STIM2: variants seen among roughly 807,000 people sequenced by gnomAD.
The protein encoded by STIM2 is stromal interaction molecule 2.
A neutral mutation model predicts 85.8 loss-of-function variants in STIM2; 31 were observed. The ratio of observed to expected loss-of-function variants is 0.36; its 90% CI spans 0.27 to 0.49. The LOEUF (loss-of-function observed/expected upper bound fraction) is 0.49, where lower values mean the gene tolerates loss of function less well. STIM2 is among the 20% of genes least tolerant of loss of function. The pLI is 0.98. For synonymous variants in STIM2, 356 were observed against 331.1 expected (o/e 1.08, Z -0.82); for missense variants, 841 against 927.6 (o/e 0.91, Z 1.21).
At chr4:26,962,828 G>A (rs1263691900) in intron 3 of STIM2, among the ~76,000 whole-genome samples, 1 of 152,102 alleles carries the variant, frequency 6.6e-6, no homozygotes, top group Non-Finnish European at 1.5e-5. Context: ...AGAGACTATA[G>A]TAGATAAAAA....
intron 3 of STIM2, among the ~76,000 whole-genome samples, chr4:26,988,729 GA>G (rs1446717940): frequency 6.6e-6 from 1 of 152,146 alleles, no homozygotes; most frequent in Non-Finnish European, 1.5e-5. Flanking sequence ...ATGATCATTT[GA>G]AATAATGTTT....
At chr4:26,937,291 A>G (rs1374890474) in intron 2 of STIM2, among the ~76,000 whole-genome samples, 1 of 152,116 alleles carries the variant, frequency 6.6e-6, no homozygotes, top group Non-Finnish European at 1.5e-5. Context: ...TACAGACCGG[A>G]AGGGGGCAGA....
intron 2 of STIM2, among the ~76,000 whole-genome samples, chr4:26,947,303 C>T (rs987370070): frequency 7.2e-5 from 11 of 151,874 alleles, no homozygotes; most frequent in East Asian, 5.8e-4. Flanking sequence ...ATTTTACATA[C>T]GAAATACAAA....
intron 1 of STIM2, among the ~76,000 whole-genome samples, chr4:26,891,583 ACACACACACACACACC>A (rs1025633205): frequency 2.7e-5 from 4 of 150,904 alleles, no homozygotes; most frequent in African/African-American, 9.9e-5. Context: ...ACACACACAC[ACACACACACACACACC>A]CCCTTTTGGT....
chr4:26,889,670 A>C (rs978830820), intron 1 of STIM2, among the ~76,000 whole-genome samples: 4 of 152,030 alleles, frequency 2.6e-5, no homozygotes, highest in Non-Finnish European at 5.9e-5. Context: ...CCTCATTAGC[A>C]CCTGTAGCCA....
At chr4:26,908,829 T>C (rs1286599690) in intron 1 of STIM2, among the ~76,000 whole-genome samples, 1 of 152,222 alleles carries the variant, frequency 6.6e-6, no homozygotes, top group East Asian at 1.9e-4. Context: ...ATTTCCACTT[T>C]ATCCTCTCTC....
intron 11 of STIM2, chr4:27,019,517 G>A (rs559137960): frequency 5.8e-5 from 74 of 1,283,394 alleles, no homozygotes; most frequent in Non-Finnish European, 7.3e-5. Context: ...TGCATTGATG[G>A]AACGTTCAGT....
chr4:26,978,121 C>T (rs1261286159), intron 3 of STIM2, among the ~76,000 whole-genome samples: 1 of 151,566 alleles, frequency 6.6e-6, no homozygotes, highest in Non-Finnish European at 1.5e-5. Flanking sequence ...GAAGTAAGGA[C>T]AATAAATATT....
At chr4:26,915,390 A>G (rs773385223) in intron 1 of STIM2, among the ~76,000 whole-genome samples, 8 of 152,094 alleles carry the variant, frequency 5.3e-5, no homozygotes, top group Non-Finnish European at 8.8e-5. Flanking sequence ...GCATGCCACT[A>G]TGCCCGGCTA....
chr4:26,977,358 A>G (rs1011441470), intron 3 of STIM2, among the ~76,000 whole-genome samples: 15 of 152,222 alleles, frequency 9.9e-5, no homozygotes, highest in African/African-American at 3.6e-4. Context: ...GAGATTTACT[A>G]TATGGATAAT....
intron 1 of STIM2, among the ~76,000 whole-genome samples, chr4:26,888,123 C>T (rs1391090684): frequency 1.3e-5 from 2 of 152,182 alleles, no homozygotes; most frequent in African/African-American, 2.4e-5. Flanking sequence ...CACAGTAGCA[C>T]CCAGGTTAGT....
intron 3 of STIM2, among the ~76,000 whole-genome samples, chr4:26,959,260 G>C (rs1243833837): frequency 1.3e-5 from 2 of 151,972 alleles, no homozygotes; most frequent in Non-Finnish European, 2.9e-5. Context: ...CTCGCTCACT[G>C]TGCTCCATTC....
chr4:26,874,515 T>C (rs1486128290), intron 1 of STIM2, among the ~76,000 whole-genome samples: 1 of 152,216 alleles, frequency 6.6e-6, no homozygotes, highest in Admixed American at 6.5e-5. Flanking sequence ...AGTTCTTCAT[T>C]TACATAAACC....
chr4:26,961,067 A>G (rs1183636468), intron 3 of STIM2, among the ~76,000 whole-genome samples: 1 of 152,184 alleles, frequency 6.6e-6, no homozygotes, highest in Non-Finnish European at 1.5e-5. Context: ...TTCCTAATCA[A>G]TACATACTAT....
At chr4:27,021,949 A>T (rs912834989) in intron 11 of STIM2, among the ~76,000 whole-genome samples, 3 of 152,050 alleles carry the variant, frequency 2.0e-5, no homozygotes, top group Non-Finnish European at 2.9e-5. Flanking sequence ...TGTTTTTTTT[A>T]AAAATAGCAT....
intron 3 of STIM2, among the ~76,000 whole-genome samples, chr4:26,958,445 A>G (rs773396179): frequency 1.2e-4 from 18 of 152,180 alleles, no homozygotes; most frequent in Non-Finnish European, 1.8e-4. Flanking sequence ...GAAAAATTAA[A>G]CGAAATTAAA....
intron 3 of STIM2, among the ~76,000 whole-genome samples, chr4:26,987,427 G>A (rs907523223): frequency 1.3e-5 from 2 of 152,122 alleles, no homozygotes; most frequent in South Asian, 2.1e-4. Flanking sequence ...GTAATGAAAA[G>A]GAGAACCCTC....
intron 1 of STIM2, among the ~76,000 whole-genome samples, chr4:26,864,069 CTG>C (rs1239285248): frequency 6.6e-6 from 1 of 152,064 alleles, no homozygotes; most frequent in East Asian, 1.9e-4. Flanking sequence ...CTCAAATAAA[CTG>C]TTATTGCTCA....
intron 2 of STIM2, among the ~76,000 whole-genome samples, chr4:26,950,528 A>C (rs1445055903): frequency 2.0e-5 from 3 of 152,132 alleles, no homozygotes; most frequent in African/African-American, 7.2e-5. Flanking sequence ...TTAGTGCCAC[A>C]ATAAAAAGGG....
Sources: gnomAD v4.1 joint callset for allele counts (sites outside exome capture counted in the v4.1 genomes callset) on GRCh38, gnomAD v4.1.1 for gene constraint, MANE v1.5 for transcripts, NCBI Gene and HGNC (gene_info 2026-07-23, HGNC 2026-07-21) for gene names.